TEDC1: variants seen among roughly 807,000 people sequenced by gnomAD.
TEDC1 encodes the protein tubulin epsilon and delta complex protein 1.
In TEDC1, 54 loss-of-function variants were observed where a neutral mutation model predicts 59.9. The observed-to-expected ratio is 0.90, with a 90% CI of 0.72 to 1.13. TEDC1 has a LOEUF of 1.13. Among genes scored for constraint, TEDC1 ranks in the 50% most tolerant of loss-of-function variants. TEDC1 has a pLI of 0.00. For missense variants in TEDC1, 734 were observed against 683.4 expected (o/e 1.07, Z -0.83); for synonymous variants, 353 against 298.1 (o/e 1.18, Z -1.90).
In TEDC1 at chr14:105,491,740, G is replaced by GC. The variant is rs587652413; in HGVS notation, c.226+44dup. 222 of 1,529,468 alleles carry GC rather than the reference G, an allele frequency of 1.5e-4. 1 individual carries two copies. In the African/African-American group the frequency reaches 2.8e-3, roughly 19 times the overall value. The allele number at this position is 1,529,468 out of a possible 1,614,324, so 94.7% of individuals were successfully genotyped here. A position where few individuals can be genotyped will look rare whatever the true frequency, so the allele number is the denominator to read the frequency against. On this transcript the variant is annotated intron_variant, in intron 2 of 8. Transcript: ENST00000392523. ...TGGCCCCGCCCACCCGGTAGCACTG[G>GC]CCCCGCCTACTCCTGTAAAGCCCCG...
rs2084413901 is a variant in TEDC1, at chr14:105,499,085, G to A, written c.*139G>A. On this transcript the variant is annotated 3_prime_UTR_variant, in exon 9 of 9. Coordinates refer to ENST00000392523, the MANE Select transcript of TEDC1 (RefSeq NM_001367178.1). The stretch of plus-strand genomic sequence containing the variant: ...CACGTCACATGCTCGCTCCAGGGGT[G>A]GGGCTGGGCTGACTCTGGCCGGATC... 2.1e-6 allele frequency: 2 copies of A among 960,330 alleles called. No individual in the cohort carries two copies. Among genetic ancestry groups the A allele is most frequent in the East Asian group, 2.6e-5 (1 of 37,874 alleles). 59.5% of individuals were successfully genotyped at this position (960,330 alleles called of 1,614,324 possible).
At position 105,492,251 on chromosome 14, in the gene TEDC1, C is replaced by T; in HGVS notation, c.371C>T (p.Pro124Leu). Residue 124 changes from proline (P) to leucine (L), a missense_variant, in exon 3 of 9, where the codon CCC becomes CTC. By Grantham distance (98) the Pro-to-Leu change is moderately conservative (BLOSUM62 -3). Coordinates refer to ENST00000392523, the MANE Select transcript of TEDC1 (RefSeq NM_001367178.1). ...LSWLLARGPVPEQMLAQARVP... is the reference protein window; with the variant it reads ...LSWLLARGPVLEQMLAQARVP... ...TGGCTCTTGGCCCGAGGACCTGTGC[C>T]CGAGCAGATGCTGGCCCAGGCCCGA... The T allele has an allele frequency of 1.2e-6, 2 of 1,610,610 alleles. No individual in the cohort carries two copies. The highest frequency in any genetic ancestry group is 1.7e-4 in the Middle Eastern group (1 of 5,978).
In TEDC1 at chr14:105,499,116, C is replaced by T. The variant is rs77834027; in HGVS notation, c.*170C>T. On this transcript the variant is annotated 3_prime_UTR_variant, in exon 9 of 9. Transcript: ENST00000392523. ...GGGCTGACTCTGGCCGGATCCCAGG[C>T]CTGTGGCTAGCAGCACTGGGGACAG... 8.5e-4 allele frequency: 610 copies of T among 720,802 alleles called. 5 individuals carry two copies. In the East Asian group the frequency reaches 0.016, roughly 19 times the overall value. 44.7% of individuals were successfully genotyped at this position (720,802 alleles called of 1,614,324 possible).
chr14:105,495,921 C>T lies in TEDC1; in HGVS notation c.726C>T (p.Tyr242=), dbSNP rs2084334726. The T allele has an allele frequency of 6.5e-7, 1 of 1,550,204 alleles. No individual in the cohort carries two copies. The highest frequency in any genetic ancestry group is 2.0e-5 in the Admixed American group (1 of 50,978). The part of the protein sequence containing the change: ...AGAAQNLDLA[Y]PKCLHSFCTP... ...CTGCCCAAAACCTGGACCTGGCCTA[C>T]CCAAAGTGCCTGCACTCCTTCTGCA... The change falls in exon 6 of 9, where the codon TAC becomes TAT. Residue 242 remains tyrosine (Y), a synonymous_variant. Transcript: ENST00000392523.
chr14:105,496,128 T>C, intron 6 of TEDC1, 42 bp downstream of exon 6: 4 of 12,614 alleles, frequency 3.2e-4, no homozygotes, highest in African/African-American at 6.8e-4. Flanking sequence ...ACCGCAGGAC[T>C]TGGGGGTGGG....
chr14:105,497,336 C>G (rs782525898), intron 6 of TEDC1, 21 bp from the exon 7 acceptor site: 1 of 1,548,762 alleles, frequency 6.5e-7, no homozygotes, highest in African/African-American at 1.4e-5. Context: ...GGTTCTAGGC[C>G]AGCTGCCGTT....
Position 105,496,058 on chromosome 14 carries a change from C to T in TEDC1, c.863C>T (p.Ala288Val). The change falls in exon 6 of 9, where the codon GCC becomes GTC. Residue 288 changes from alanine to valine, a missense_variant. Transcript: ENST00000392523. ...AAPLDPGGAS[A>V]CSLLSPFRAL... is the part of the protein sequence containing the mutation. The stretch of plus-strand genomic sequence containing the variant: ...CCCTTGGATCCTGGTGGGGCCTCAG[C>T]CTGCAGCCTGCTCTCCCCTTTTAGG... 1 of 1,539,674 alleles carries T rather than the reference C, an allele frequency of 6.5e-7. No homozygotes were observed. Among genetic ancestry groups the T allele is most frequent in the South Asian group, 1.2e-5 (1 of 83,898 alleles).
chr14:105,492,987 C>G (rs1387018258), intron 4 of TEDC1, among the ~76,000 whole-genome samples: 1 of 152,148 alleles, frequency 6.6e-6, no homozygotes, highest in African/African-American at 2.4e-5. Context: ...CAGAATTTGC[C>G]TTTCTGTTCC....
rs587611481 is a variant in TEDC1, at chr14:105,495,920, A to T, written c.725A>T (p.Tyr242Phe). 6.5e-7 allele frequency: 1 copy of T among 1,550,260 alleles called. No individual in the cohort carries two copies. Among genetic ancestry groups the T allele is most frequent in the African/African-American group, 1.4e-5 (1 of 73,150 alleles). ...GCTGCCCAAAACCTGGACCTGGCCT[A>T]CCCAAAGTGCCTGCACTCCTTCTGC... Reference protein sequence around the residue: ...AGAAQNLDLAYPKCLHSFCTP... With the variant: ...AGAAQNLDLAFPKCLHSFCTP... Residue 242 changes from tyrosine (Y) to phenylalanine (F), a missense_variant, in exon 6 of 9, where the codon TAC (tyrosine) becomes TTC (phenylalanine). Tyr to Phe is a conservative substitution (Grantham distance 22, BLOSUM62 3). Coordinates refer to ENST00000392523, the MANE Select transcript of TEDC1 (RefSeq NM_001367178.1).
rs782677666 is a variant in TEDC1, at chr14:105,491,617, C to T, written c.148-5C>T. 3 of 1,549,562 alleles carry T rather than the reference C, an allele frequency of 1.9e-6. No individual in the cohort carries two copies. Among genetic ancestry groups the T allele is most frequent in the South Asian group, 2.4e-5 (2 of 84,056 alleles). ...CGCTGACCGCCCGCTTTTTATTTTC[C>T]GCAGACCTCCGCGCTCTGGCAGCTC... On this transcript the variant is annotated splice_polypyrimidine_tract_variant and splice_region_variant and intron_variant, in intron 1 of 8. Transcript: ENST00000392523.
intron 5 of TEDC1, chr14:105,494,640 G>A (rs2084303180): frequency 1.3e-5 from 2 of 152,590 alleles, no homozygotes; most frequent in Admixed American, 6.5e-5. Flanking sequence ...TGTGACCTTG[G>A]GGAGACAGCA....
intron 5 of TEDC1, 87 bp downstream of exon 5, chr14:105,494,020 G>GGC: frequency 1.4e-6 from 1 of 738,968 alleles, no homozygotes; most frequent in South Asian, 1.7e-5. Flanking sequence ...GGGCCTGGGG[G>GGC]CGGGGCAGCT....
At chr14:105,496,228 G>T (rs1368949497) in intron 6 of TEDC1, 142 bp downstream of exon 6, 14 of 822,812 alleles carry the variant, frequency 1.7e-5, no homozygotes, top group Non-Finnish European at 2.2e-5. Flanking sequence ...TGTGGTGATT[G>T]CCTTCTGTCA....
At position 105,497,504 on chromosome 14, in the gene TEDC1, C is replaced by T. The variant is rs2084374036; in HGVS notation, c.978+61C>T. 3 of 1,504,504 alleles carry T rather than the reference C, an allele frequency of 2.0e-6. 1 individual carries two copies. The South Asian group carries it at 3.6e-5, about 18-fold the overall frequency. The allele number at this position is 1,504,504 out of a possible 1,614,324, so 93.2% of individuals were successfully genotyped here. A position where few individuals can be genotyped will look rare whatever the true frequency, so the allele number is the denominator to read the frequency against. ...TTCCCACAGCAGCCCCCAGGTGGGG[C>T]ATTCGGGATCTTCCTGTTTTCCAGA... On this transcript the variant is annotated intron_variant, in intron 7 of 8. Transcript: ENST00000392523.
At chr14:105,496,260 C>A in intron 6 of TEDC1, 174 bp downstream of exon 6, 2 of 678,596 alleles carry the variant, frequency 2.9e-6, no homozygotes, top group Non-Finnish European at 4.9e-6. Context: ...GCGGCCGTAC[C>A]CATGGTGGAG....
chr14:105,491,700 G>C lies in TEDC1; in HGVS notation c.226G>C (p.Glu76Gln), dbSNP rs782135409. The change falls in exon 2 of 9, where the codon GAG (glutamate) becomes CAG (glutamine). Residue 76 changes from glutamate to glutamine, a missense_variant and splice_region_variant. By Grantham distance (29) the Glu-to-Gln change is conservative. Transcript: ENST00000392523. The stretch of plus-strand genomic sequence containing the variant: ...CAACGCCTTGGCATCGCTCGCCCTG[G>C]GTAAGCCCCGCTCCTGGCCCCGCCC... Reference protein sequence around the residue: ...AGNALASLALEVQARLVKSAL... With the variant: ...AGNALASLALQVQARLVKSAL... The C allele has an allele frequency of 2.3e-5, 36 of 1,547,876 alleles. No individual in the cohort carries two copies. Among genetic ancestry groups the C allele is most frequent in the Non-Finnish European group, 3.0e-5 (34 of 1,146,826 alleles).
Position 105,492,166 on chromosome 14 carries a change from C to G in TEDC1, c.286C>G (p.Leu96Val), listed in dbSNP as rs959989840. The G allele has an allele frequency of 1.1e-5, 18 of 1,612,918 alleles. No individual in the cohort carries two copies. The highest frequency in any genetic ancestry group is 1.5e-5 in the Non-Finnish European group (18 of 1,179,910). ...LCSQGYPRLA[L>V]AQLPEDGSQG... Reference sequence around the variant, plus strand: ...CTCCCAGGGCTACCCGAGGCTGGCACTGGCACAACTACCTGAGGATGGCTC... The same window carrying G: ...CTCCCAGGGCTACCCGAGGCTGGCAGTGGCACAACTACCTGAGGATGGCTC... The change falls in exon 3 of 9, where the codon CTG (leucine) becomes GTG (valine). Residue 96 changes from leucine (L) to valine (V), a missense_variant. Transcript: ENST00000392523.
Position 105,498,640 on chromosome 14 carries a change from A to G in TEDC1, c.1182A>G (p.Pro394=). The G allele has an allele frequency of 1.9e-6, 3 of 1,552,106 alleles. No individual in the cohort carries two copies. The highest frequency in any genetic ancestry group is 2.6e-6 in the Non-Finnish European group (3 of 1,147,998). Residue 394 remains proline (P), a synonymous_variant, in exon 9 of 9, where the codon CCA becomes CCG. Coordinates refer to ENST00000392523, the MANE Select transcript of TEDC1 (RefSeq NM_001367178.1). Reference sequence around the variant, plus strand: ...AGGCTGGAGGCTGTGGACGGGGGCCAGAGTGGAGTGCCGCGCGGCGGGCCT... The same window carrying G: ...AGGCTGGAGGCTGTGGACGGGGGCCGGAGTGGAGTGCCGCGCGGCGGGCCT... The part of the protein sequence containing the change: ...EAKAGGCGRG[P]EWSAARRASR...
At chr14:105,496,410 T>C (rs2084347617) in intron 6 of TEDC1, 1 of 330,632 alleles carries the variant, frequency 3.0e-6, no homozygotes, top group African/African-American at 2.1e-5. Flanking sequence ...TCTGCTCTGC[T>C]CCGCCCCAGA....
Sources: allele counts gnomAD v4.1 joint callset (sites outside exome capture counted in the v4.1 genomes callset), GRCh38; gene constraint gnomAD v4.1.1; transcripts MANE v1.5; gene names NCBI Gene and HGNC (gene_info 2026-07-23, HGNC 2026-07-21).